The following SH3GL2 variants were observed in gnomAD, a reference collection of about 807,000 sequenced individuals.
SH3GL2 encodes endophilin-A1.
In SH3GL2, 24 loss-of-function variants were observed where a neutral mutation model predicts 46.0. The ratio of observed to expected loss-of-function variants is 0.52; its 90% CI spans 0.38 to 0.73. SH3GL2 has a LOEUF of 0.73. Among genes scored for constraint, SH3GL2 ranks in the 30% least tolerant of loss-of-function variants. The probability of loss-of-function intolerance (pLI) is 0.00; values close to 1 mark genes in which losing one functional copy is unlikely to be tolerated. For missense variants in SH3GL2, 413 were observed against 424.2 expected (o/e 0.97, Z 0.23); for synonymous variants, 196 against 147.1 (o/e 1.33, Z -2.40).
chr9:17,695,500 CAG>C (rs1650965103), intron 1 of SH3GL2, among the ~76,000 whole-genome samples: 1 of 152,088 alleles, frequency 6.6e-6, no homozygotes, highest in African/African-American at 2.4e-5. Flanking sequence ...CACATAATCT[CAG>C]GGGAACAAAT....
chr9:17,720,273 A>G (rs1563826128), intron 1 of SH3GL2, among the ~76,000 whole-genome samples: 1 of 152,158 alleles, frequency 6.6e-6, no homozygotes, highest in Non-Finnish European at 1.5e-5. Context: ...TTACTTTTCT[A>G]ACATGCTTTC....
chr9:17,584,699 G>A (rs1818340391), intron 1 of SH3GL2, among the ~76,000 whole-genome samples: 1 of 152,120 alleles, frequency 6.6e-6, no homozygotes, highest in African/African-American at 2.4e-5. Flanking sequence ...GCTTGTGAGA[G>A]TGCCATGCTT....
chr9:17,742,591 A>G (rs1401743946), intron 1 of SH3GL2, among the ~76,000 whole-genome samples: 1 of 152,206 alleles, frequency 6.6e-6, no homozygotes, highest in African/African-American at 2.4e-5. Context: ...CCTCTAAGTC[A>G]TCTTAACATT....
At chr9:17,782,708 C>A (rs1308280214) in intron 3 of SH3GL2, among the ~76,000 whole-genome samples, 1 of 151,976 alleles carries the variant, frequency 6.6e-6, no homozygotes, top group Admixed American at 6.6e-5. Flanking sequence ...TACTTCTGAA[C>A]AGGAAAGCTT....
At chr9:17,613,637 G>A (rs1052667962) in intron 1 of SH3GL2, among the ~76,000 whole-genome samples, 8 of 152,142 alleles carry the variant, frequency 5.3e-5, no homozygotes, top group East Asian at 1.9e-4. Context: ...ACCTTGTGTG[G>A]AATGCCTTAC....
intron 1 of SH3GL2, among the ~76,000 whole-genome samples, chr9:17,669,637 CAGTTTGTATAATTGTTT>C (rs988164225): frequency 6.6e-6 from 1 of 151,984 alleles, no homozygotes; most frequent in African/African-American, 2.4e-5. Flanking sequence ...ATGGATGGAC[CAGTTTGTATAATTGTTT>C]AGTTTTTGAA....
intron 3 of SH3GL2, among the ~76,000 whole-genome samples, chr9:17,767,226 G>C (rs895138897): frequency 6.6e-6 from 1 of 152,174 alleles, no homozygotes; most frequent in African/African-American, 2.4e-5. Context: ...CAGCATTTCT[G>C]AGATTTGGGT....
chr9:17,724,498 T>C (rs778073512), intron 1 of SH3GL2, among the ~76,000 whole-genome samples: 52 of 152,002 alleles, frequency 3.4e-4, no homozygotes, highest in Non-Finnish European at 6.8e-4. Flanking sequence ...GAAAAGGAAG[T>C]GTCTGTTGCC....
intron 1 of SH3GL2, among the ~76,000 whole-genome samples, chr9:17,739,477 G>A (rs1046888001): frequency 1.3e-5 from 2 of 152,024 alleles, no homozygotes; most frequent in African/African-American, 4.8e-5. Flanking sequence ...AGTGGACTAT[G>A]AAAATGTATA....
intron 3 of SH3GL2, among the ~76,000 whole-genome samples, chr9:17,766,847 C>T (rs1274732483): frequency 1.3e-5 from 2 of 151,914 alleles, no homozygotes; most frequent in Non-Finnish European, 2.9e-5. Flanking sequence ...TCATGTTTAC[C>T]TCCTTGGTTT....
At chr9:17,680,076 T>C (rs1249406646) in intron 1 of SH3GL2, among the ~76,000 whole-genome samples, 1 of 152,198 alleles carries the variant, frequency 6.6e-6, no homozygotes, top group Non-Finnish European at 1.5e-5. Context: ...TCAGGGATAT[T>C]GGTCTAAAAT....
chr9:17,687,469 A>C (rs561797379), intron 1 of SH3GL2, among the ~76,000 whole-genome samples: 2 of 152,078 alleles, frequency 1.3e-5, no homozygotes, highest in African/African-American at 2.4e-5. Flanking sequence ...AACAGGGTAC[A>C]TAGGTTCAAT....
At chr9:17,793,600 T>C (rs1181690451) in intron 8 of SH3GL2, 103 bp downstream of exon 8, 6 of 1,091,116 alleles carry the variant, frequency 5.5e-6, no homozygotes, top group Admixed American at 2.3e-5. Context: ...ATAGGAAATA[T>C]GCAGTAATAC....
At chr9:17,617,672 A>G (rs1289001450) in intron 1 of SH3GL2, among the ~76,000 whole-genome samples, 2 of 152,140 alleles carry the variant, frequency 1.3e-5, no homozygotes, top group Non-Finnish European at 1.5e-5. Context: ...TGTGATTACT[A>G]CCTGTCTCAC....
intron 1 of SH3GL2, among the ~76,000 whole-genome samples, chr9:17,640,173 C>CAGTAA (rs143955658): frequency 0.11 from 17,079 of 152,024 alleles, 1,045 homozygotes; most frequent in East Asian, 0.2. Flanking sequence ...ACTTGTACCC[C>CAGTAA]AGTAAAAACA....
intron 1 of SH3GL2, among the ~76,000 whole-genome samples, chr9:17,599,110 A>G (rs1818624541): frequency 6.6e-6 from 1 of 152,258 alleles, no homozygotes; most frequent in South Asian, 2.1e-4. Flanking sequence ...CGTTTGAGAA[A>G]TAAAATTTAA....
chr9:17,766,374 C>T lies in SH3GL2; in HGVS notation c.187+4865C>T, dbSNP rs183143305. ...AGATATAATTTGAATATAGAAAGTA[C>T]TGTGCACAAATTCCATTCTACTGGT... On this transcript the variant is annotated intron_variant, in intron 3 of 8. Coordinates refer to ENST00000380607, the MANE Select transcript of SH3GL2 (RefSeq NM_003026.5). Among the ~76,000 whole-genome samples the T allele has an allele frequency of 9.8e-5, 15 of 152,338 alleles. No homozygotes were observed. In the East Asian group the frequency reaches 2.9e-3, roughly 29 times the overall value.
chr9:17,745,111 C>T (rs1296697334), intron 1 of SH3GL2, among the ~76,000 whole-genome samples: 3 of 152,204 alleles, frequency 2.0e-5, no homozygotes, highest in Non-Finnish European at 4.4e-5. Flanking sequence ...ATGCAACCCT[C>T]TCTTTTCTCA....
chr9:17,738,047 A>C (rs1490788431), intron 1 of SH3GL2, among the ~76,000 whole-genome samples: 2 of 152,102 alleles, frequency 1.3e-5, no homozygotes, highest in African/African-American at 2.4e-5. Flanking sequence ...ATGTATGTAC[A>C]CCATTGTATT....
Sources: gnomAD v4.1 joint callset for allele counts (sites outside exome capture counted in the v4.1 genomes callset) on GRCh38, gnomAD v4.1.1 for gene constraint, MANE v1.5 for transcripts, NCBI Gene and HGNC (gene_info 2026-07-23, HGNC 2026-07-21) for gene names.